MCF2L: variants seen among roughly 807,000 people sequenced by gnomAD.
MCF2L encodes the protein MCF.2 cell line derived transforming sequence like.
In MCF2L, 97 loss-of-function variants were observed where a neutral mutation model predicts 153.4. That is an observed-to-expected ratio of 0.63 (90% CI 0.54 to 0.75). The LOEUF is 0.75. Ranked by LOEUF, MCF2L falls within the 30% of genes least tolerant of loss-of-function variation. The pLI is 0.00. For synonymous variants in MCF2L, 659 were observed against 632.2 expected, an observed-to-expected ratio of 1.04 and a Z score of -0.64; for missense variants, 1,347 against 1,495.2, an observed-to-expected ratio of 0.90 and a Z score of 1.64.
intron 1 of MCF2L, among the ~76,000 whole-genome samples, chr13:113,014,289 T>G (rs1225257710): frequency 6.6e-6 from 1 of 152,198 alleles, no homozygotes; most frequent in African/African-American, 2.4e-5. Flanking sequence ...GTCCTGTGTG[T>G]GCGGAGGCAG....
intron 13 of MCF2L, among the ~76,000 whole-genome samples, chr13:113,077,773 G>C (rs576112444): frequency 6.6e-6 from 1 of 152,160 alleles, no homozygotes; most frequent in Admixed American, 6.5e-5. Context: ...CGCCACCTCT[G>C]TGTCTCAAAA....
chr13:112,926,811 G>C (rs1478331804), intron 2 of MCF2L, among the ~76,000 whole-genome samples: 1 of 152,140 alleles, frequency 6.6e-6, no homozygotes, highest in Non-Finnish European at 1.5e-5. Flanking sequence ...GGGCGGGGTG[G>C]GATGTGCTGG....
rs1342654797 is a variant in MCF2L, at chr13:112,983,176, G to A, written c.79+13718G>A. Among the ~76,000 whole-genome samples the A allele has an allele frequency of 5.3e-5, 8 of 152,208 alleles. No individual in the cohort carries two copies. In the South Asian group the frequency reaches 1.5e-3, roughly 28 times the overall value. On this transcript the variant is annotated intron_variant, in intron 1 of 29. Transcript: ENST00000535094. The surrounding 1 kb of genome is among the most constrained non-coding windows in gnomAD (Gnocchi z 4.0). ...TGCCTCAGGGTTTGTTGGAGGTGAG[G>A]GGGTAGCAGAGCCCCTCACACAGGT... is the stretch of plus-strand genomic sequence containing the variant.
chr13:113,033,301 CGTGG>C (rs2085886718), intron 3 of MCF2L, among the ~76,000 whole-genome samples: 1 of 108,608 alleles, frequency 9.2e-6, no homozygotes, highest in African/African-American at 3.8e-5. Context: ...TAGTGGACCC[CGTGG>C]CGTGAGTGGC....
intron 2 of MCF2L, among the ~76,000 whole-genome samples, chr13:113,024,012 C>T (rs986819861): frequency 3.3e-5 from 5 of 152,320 alleles, no homozygotes; most frequent in Middle Eastern, 3.4e-3. Context: ...GACCCAGGCT[C>T]GGGGGAGGGA....
At chr13:113,037,380 G>A (rs1394071941) in intron 3 of MCF2L, among the ~76,000 whole-genome samples, 2 of 152,214 alleles carry the variant, frequency 1.3e-5, no homozygotes, top group African/African-American at 4.8e-5. Context: ...CTGCCCAGCG[G>A]CACCATTTGT....
intron 2 of MCF2L, among the ~76,000 whole-genome samples, chr13:112,916,110 A>G (rs1431409532): frequency 6.7e-6 from 1 of 148,574 alleles, no homozygotes; most frequent in African/African-American, 2.6e-5. Flanking sequence ...CAGGAGGCTG[A>G]GGCAGGAGAA....
In MCF2L at chr13:113,097,069, C is replaced by G; in HGVS notation, c.*210C>G. On this transcript the variant is annotated 3_prime_UTR_variant, in exon 30 of 30. Transcript: ENST00000535094. ...GCTTCCCCGGAGACTCCAGAGCCCA[C>G]AGAGGAGGGGCCGCAGGGAACAGCC... 1 of 369,664 alleles carries G rather than the reference C, an allele frequency of 2.7e-6. No homozygotes were observed. The highest frequency in any genetic ancestry group is 4.8e-6 in the Non-Finnish European group (1 of 208,640). The allele number at this position is 369,664 out of a possible 1,614,324, so 22.9% of individuals were successfully genotyped here. A position where few individuals can be genotyped will look rare whatever the true frequency, so the allele number is the denominator to read the frequency against.
chr13:113,082,257 GT>G (rs2034213931), intron 16 of MCF2L, among the ~76,000 whole-genome samples, 169 bp from the exon 17 acceptor site: 1 of 152,222 alleles, frequency 6.6e-6, no homozygotes, highest in Admixed American at 6.5e-5. Context: ...AATTGGTGCT[GT>G]TCATAATGCT....
chr13:112,927,847 C>T (rs2081423608), intron 2 of MCF2L, among the ~76,000 whole-genome samples: 3 of 152,086 alleles, frequency 2.0e-5, no homozygotes, highest in Admixed American at 1.3e-4. Flanking sequence ...TCTCCAACAA[C>T]AACAACAAAA....
In MCF2L at chr13:113,076,028, G is replaced by A; in HGVS notation, c.1371G>A (p.Gln457=). ...CCTCACAACCTGTGGACAAGTGCCA[G>A]TCCCAGGACGGCGCGGAGGCTGCCC... ...LLASQPVDKC[Q]SQDGAEAALQ... is the part of the protein sequence containing the mutation. The change falls in exon 12 of 30, where the codon CAG becomes CAA. Residue 457 remains glutamine, a synonymous_variant. Transcript: ENST00000535094. 2 of 1,614,016 alleles carry A rather than the reference G, an allele frequency of 1.2e-6. No individual in the cohort carries two copies. The highest frequency in any genetic ancestry group is 1.7e-6 in the Non-Finnish European group (2 of 1,179,968).
rs1220817315 is a variant in MCF2L at position 113,031,823 on chromosome 13, A to G, written c.278+7065A>G. On this transcript the variant is annotated intron_variant, in intron 3 of 29. Transcript: ENST00000535094. The surrounding 1 kb of genome is among the most constrained non-coding windows in gnomAD (Gnocchi z 5.5). ...CACATTCAGCCCATAAGAGGCATGT[A>G]CACATACAGATGCACACACGCACCT... 1.3e-5 allele frequency among the ~76,000 whole-genome samples: 2 copies of G among 152,000 alleles called. No individual in the cohort carries two copies. The highest frequency in any genetic ancestry group is 3.9e-4 in the East Asian group (2 of 5,154).
Position 112,901,830 on chromosome 13 carries a change from C to T in MCF2L, c.-4-369C>T, listed in dbSNP as rs577710104. On this transcript the variant is annotated intron_variant, in intron 1 of 29. Coordinates refer to the MCF2L transcript ENST00000375608. ...TGATTTTGAAAGTTTGCCAGTTCGGCGAATTAGATACTGAAACCTGGAGAA... is the reference window on the plus strand; with the variant it reads ...TGATTTTGAAAGTTTGCCAGTTCGGTGAATTAGATACTGAAACCTGGAGAA... Among the ~76,000 whole-genome samples the T allele has an allele frequency of 2.0e-5, 3 of 152,300 alleles. No homozygotes were observed. In the East Asian group the frequency reaches 5.8e-4, roughly 29 times the overall value.
intron 2 of MCF2L, among the ~76,000 whole-genome samples, chr13:112,944,569 CTT>C (rs34676086): frequency 0.015 from 1,526 of 102,174 alleles, 8 homozygotes; most frequent in African/African-American, 0.019. Context: ...TAAACCTGAA[CTT>C]TTTTTTTTTT....
chr13:113,084,132 T>A, intron 18 of MCF2L, 65 bp downstream of exon 18: 1 of 1,298,366 alleles, frequency 7.7e-7, no homozygotes, highest in Admixed American at 1.7e-5. Context: ...TGACTTCAGA[T>A]TCTACTGCAA....
chr13:112,968,554 G>C (rs1380956945), upstream of MCF2L: 32 of 1,548,834 alleles, frequency 2.1e-5, no homozygotes, highest in Non-Finnish European at 2.7e-5. Context: ...TGCGGGGAGG[G>C]GCTGGTCCAT....
At chr13:112,908,028 G>A (rs916891766) in intron 2 of MCF2L, among the ~76,000 whole-genome samples, 2 of 152,174 alleles carry the variant, frequency 1.3e-5, no homozygotes, top group Non-Finnish European at 2.9e-5. Flanking sequence ...TGGACTTTGT[G>A]TATTACTCAG....
In MCF2L at chr13:113,045,614, C is replaced by T. The variant is rs930796273; in HGVS notation, c.369+253C>T. 2 of 560,838 alleles carry T rather than the reference C, an allele frequency of 3.6e-6. No homozygotes were observed. Among genetic ancestry groups the T allele is most frequent in the South Asian group, 4.4e-5 (2 of 45,730 alleles). 34.7% of individuals were successfully genotyped at this position (560,838 alleles called of 1,614,324 possible). A position where few individuals can be genotyped will look rare whatever the true frequency, so the allele number is the denominator to read the frequency against. ...GTGACTTGCAAACAATTTCCCCAGG[C>T]AGAGCAGCCCATATGTTTCCGAACA... On this transcript the variant is annotated intron_variant, in intron 4 of 29. Coordinates refer to ENST00000535094, the MANE Select transcript of MCF2L (RefSeq NM_001112732.3). This position sits in a 1 kb window ranked among gnomAD's most constrained non-coding sequence, Gnocchi z 4.2.
At position 113,076,114 on chromosome 13, in the gene MCF2L, C is replaced by A. The variant is rs151147187; in HGVS notation, c.1457C>A (p.Ala486Glu). The A allele has an allele frequency of 1.9e-6, 3 of 1,613,780 alleles. No homozygotes were observed. Among genetic ancestry groups the A allele is most frequent in the African/African-American group, 2.7e-5 (2 of 74,896 alleles). ...GAAAATAAGATCCAGGAGCTCAACG[C>A]GATTTACAAGGAATACGAATCCATC... Reference protein sequence around the residue: ...GAENKIQELNAIYKEYESILN... With the variant: ...GAENKIQELNEIYKEYESILN... Residue 486 changes from alanine (A) to glutamate (E), a missense_variant, in exon 12 of 30, where the codon GCG becomes GAG. Coordinates refer to ENST00000535094, the MANE Select transcript of MCF2L (RefSeq NM_001112732.3).
Sources: gnomAD v4.1 joint callset for allele counts (sites outside exome capture counted in the v4.1 genomes callset) on GRCh38, gnomAD v4.1.1 for gene constraint, Gnocchi (gnomAD v3.1) non-coding constraint, MANE v1.5 for transcripts, NCBI Gene and HGNC (gene_info 2026-07-23, HGNC 2026-07-21) for gene names.